The following BRD10 variants were observed in gnomAD, a reference collection of about 807,000 sequenced individuals.
The protein encoded by BRD10 is bromodomain containing 10.
chr9:5,880,348 C>T, the BRD10 span, among the ~76,000 whole-genome samples: 1 of 151,944 alleles, frequency 6.6e-6, no homozygotes, highest in African/African-American at 2.4e-5. Context: ...CCTGTCTCTA[C>T]TAAAAACACA....
At chr9:5,923,144 T>C in the BRD10 span, 1 of 1,614,034 alleles carries the variant, frequency 6.2e-7, no homozygotes, top group Non-Finnish European at 8.5e-7. Flanking sequence ...CTTTGCCTTC[T>C]TCCTTGGAGA....
chr9:5,908,941 A>G, the BRD10 span: 1 of 502,958 alleles, frequency 2.0e-6, no homozygotes, highest in South Asian at 2.8e-5. Flanking sequence ...GCAATGCATG[A>G]TACTATCTGT....
At chr9:5,882,830 TA>T in the BRD10 span, among the ~76,000 whole-genome samples, 1,933 of 152,110 alleles carry the variant, frequency 0.013, 35 homozygotes, top group African/African-American at 0.044. Context: ...TATGCAGCCA[TA>T]AAAAAGGATG....
At chr9:5,999,740 G>C in the BRD10 span, among the ~76,000 whole-genome samples, 12 of 152,092 alleles carry the variant, frequency 7.9e-5, no homozygotes, top group Non-Finnish European at 1.5e-4. Flanking sequence ...TAGATATGGT[G>C]TTCTTATTGC....
the BRD10 span, chr9:5,906,899 T>C: frequency 8.2e-6 from 13 of 1,584,210 alleles, no homozygotes; most frequent in South Asian, 1.0e-4. Flanking sequence ...AAAGTCTTCA[T>C]GTTGGCACTC....
chr9:5,958,739 T>A, the BRD10 span, among the ~76,000 whole-genome samples: 1 of 152,176 alleles, frequency 6.6e-6, no homozygotes, highest in Non-Finnish European at 1.5e-5. Context: ...CCTCTGTACT[T>A]TCGCCTTAGG....
At chr9:5,892,387 T>C in the BRD10 span, 1 of 1,226,492 alleles carries the variant, frequency 8.2e-7, no homozygotes. Context: ...TGTGGGTCTT[T>C]ATGAGATGAT....
the BRD10 span, chr9:6,007,491 G>A: frequency 1.2e-6 from 2 of 1,612,264 alleles, no homozygotes; most frequent in Non-Finnish European, 1.7e-6. Flanking sequence ...GCAGAAAGGG[G>A]GCGGTGAGGC....
chr9:5,884,654 C>T, the BRD10 span, among the ~76,000 whole-genome samples: 2 of 152,188 alleles, frequency 1.3e-5, no homozygotes, highest in African/African-American at 4.8e-5. Context: ...TGTACCAATA[C>T]CCCCACTGTA....
chr9:5,940,215 C>A, the BRD10 span, among the ~76,000 whole-genome samples: 2 of 151,920 alleles, frequency 1.3e-5, no homozygotes, highest in Non-Finnish European at 2.9e-5. Context: ...GCTCTGTCGC[C>A]CAGGCTGGAG....
chr9:5,966,198 AT>A, the BRD10 span, among the ~76,000 whole-genome samples: 1 of 152,128 alleles, frequency 6.6e-6, no homozygotes, highest in Non-Finnish European at 1.5e-5. Flanking sequence ...GCTGAATACA[AT>A]TTATAAATTT....
chr9:5,919,721 G>A, the BRD10 span: 4 of 1,612,266 alleles, frequency 2.5e-6, no homozygotes, highest in Admixed American at 1.7e-5. Context: ...TAAGCCCGAC[G>A]ACTGAAAAGC....
chr9:5,918,190 T>C, the BRD10 span, among the ~76,000 whole-genome samples: 2 of 152,190 alleles, frequency 1.3e-5, no homozygotes, highest in African/African-American at 2.4e-5. Context: ...GAGCCTTTAG[T>C]GACTTTCTAG....
the BRD10 span, among the ~76,000 whole-genome samples, chr9:5,948,300 C>T: frequency 6.6e-6 from 1 of 152,164 alleles, no homozygotes; most frequent in African/African-American, 2.4e-5. Context: ...ACTTCTCCTA[C>T]TATATTATAT....
At chr9:5,922,534 G>T in the BRD10 span, 2 of 1,613,942 alleles carry the variant, frequency 1.2e-6, no homozygotes, top group East Asian at 2.2e-5. Flanking sequence ...CTGGTGAGTT[G>T]ACAAAAACTG....
the BRD10 span, among the ~76,000 whole-genome samples, chr9:5,989,900 T>A: frequency 2.7e-4 from 40 of 149,660 alleles, no homozygotes; most frequent in Admixed American, 6.6e-4. Flanking sequence ...CCAGAGTGAT[T>A]TATTACACTA....
the BRD10 span, chr9:5,897,729 A>G: frequency 5.6e-6 from 7 of 1,249,768 alleles, no homozygotes; most frequent in Non-Finnish European, 8.2e-6. Flanking sequence ...GAATCTCTGG[A>G]GAGTCAGATA....
the BRD10 span, among the ~76,000 whole-genome samples, chr9:5,925,369 AAAAAG>A: frequency 4.0e-5 from 6 of 151,586 alleles, no homozygotes; most frequent in South Asian, 4.1e-4. Flanking sequence ...AAAAAAAAAA[AAAAAG>A]AAAGAAAAGA....
chr9:5,943,849 G>T, the BRD10 span, among the ~76,000 whole-genome samples: 6,706 of 152,064 alleles, frequency 0.044, 404 homozygotes, highest in African/African-American at 0.13. Flanking sequence ...TACTCTCAGG[G>T]TTATCTGTCA....
Sources: gnomAD v4.1 joint callset for allele counts (sites outside exome capture counted in the v4.1 genomes callset) on GRCh38, gnomAD v4.1.1 for gene constraint, MANE v1.5 for transcripts, NCBI Gene and HGNC (gene_info 2026-07-23, HGNC 2026-07-21) for gene names.